MERTK: variants seen among roughly 807,000 people sequenced by gnomAD.
MERTK encodes the protein MER proto-oncogene, tyrosine kinase.
MERTK carries 69 observed loss-of-function variants against 99.3 expected under a neutral mutation model. That is an observed-to-expected ratio of 0.70 (90% CI 0.57 to 0.85). The LOEUF (loss-of-function observed/expected upper bound fraction) is 0.85. MERTK is among the 40% of genes least tolerant of loss of function. The pLI, the probability that MERTK is intolerant of heterozygous loss-of-function variation, is 0.00. For missense variants in MERTK, 1,125 were observed against 1,249.4 expected (o/e 0.90, Z 1.50); for synonymous variants, 426 against 467.6 (o/e 0.91, Z 1.15).
chr2:111,908,555 A>G (rs891180091), intron 1 of MERTK, among the ~76,000 whole-genome samples: 2 of 152,136 alleles, frequency 1.3e-5, no homozygotes, highest in African/African-American at 4.8e-5. Flanking sequence ...ATCATGATTG[A>G]CATGATTATG....
intron 2 of MERTK, among the ~76,000 whole-genome samples, chr2:111,937,886 A>G (rs1684791644): frequency 6.6e-6 from 1 of 151,840 alleles, no homozygotes; most frequent in East Asian, 1.9e-4. Context: ...TCTTAAAATT[A>G]TTTTTTTCAT....
At chr2:111,916,639 C>T (rs1684356535) in intron 1 of MERTK, among the ~76,000 whole-genome samples, 1 of 152,048 alleles carries the variant, frequency 6.6e-6, no homozygotes, top group African/African-American at 2.4e-5. Context: ...CAAGCATGTT[C>T]ATAATTGTTC....
At chr2:111,906,746 T>TA (rs779989251) in intron 1 of MERTK, among the ~76,000 whole-genome samples, 1 of 152,004 alleles carries the variant, frequency 6.6e-6, no homozygotes, top group Non-Finnish European at 1.5e-5. Flanking sequence ...TTGGAGCAAA[T>TA]AAAAAAAAGA....
At chr2:111,992,339 T>TGGAATA (rs1676637574) in intron 8 of MERTK, among the ~76,000 whole-genome samples, 1 of 151,796 alleles carries the variant, frequency 6.6e-6, no homozygotes, top group South Asian at 2.1e-4. Flanking sequence ...TTCCAGGTAG[T>TGGAATA]GGAATACGTG....
Position 112,003,144 on chromosome 2 carries a change from GA to G in MERTK, c.1744del (p.Ile582LeufsTer6). ...ELQNKLEDVV[I>X]DRNLLILGKI... is the part of the protein sequence containing the mutation. ...TACAAAATAAACTAGAAGATGTTGT[GA>G]TTGACAGGAATCTTCTAATTCTTGG... On this transcript the variant is annotated frameshift_variant, in exon 12 of 19. Transcript: ENST00000295408. LOFTEE classifies it high-confidence loss of function. 2.5e-6 allele frequency: 4 copies of G among 1,604,140 alleles called. No homozygotes were observed. The highest frequency in any genetic ancestry group is 3.4e-6 in the Non-Finnish European group (4 of 1,171,284).
chr2:111,947,278 GCCCCCCA>G, intron 3 of MERTK, 109 bp from the exon 4 acceptor site: 1 of 360,298 alleles, frequency 2.8e-6, no homozygotes, highest in African/African-American at 3.2e-5. Context: ...ATCCCCACCC[GCCCCCCA>G]CAAAAAAAGA....
In MERTK at chr2:111,962,230, G is replaced by A. The variant is rs537045986; in HGVS notation, c.758-2961G>A. ...ATTCTAAAAAATAACCATTCAGGTCGGGTGTGGTGGCTCACACCTGTAATC... is the reference window on the plus strand; with the variant it reads ...ATTCTAAAAAATAACCATTCAGGTCAGGTGTGGTGGCTCACACCTGTAATC... On this transcript the variant is annotated intron_variant, in intron 4 of 18. Coordinates refer to ENST00000295408, the MANE Select transcript of MERTK (RefSeq NM_006343.3). Among the ~76,000 whole-genome samples the A allele has an allele frequency of 3.9e-5, 6 of 152,256 alleles. No homozygotes were observed. In the East Asian group the frequency reaches 7.7e-4, roughly 20 times the overall value.
chr2:112,021,875 T>C (rs1322885200), intron 17 of MERTK, among the ~76,000 whole-genome samples: 1 of 152,198 alleles, frequency 6.6e-6, no homozygotes, highest in Non-Finnish European at 1.5e-5. Context: ...GGATATTTCA[T>C]AGTCACATTA....
At chr2:111,993,748 C>T (rs905784453) in intron 8 of MERTK, among the ~76,000 whole-genome samples, 3 of 151,776 alleles carry the variant, frequency 2.0e-5, no homozygotes, top group Non-Finnish European at 2.9e-5. Context: ...GTACATTTGT[C>T]ACACTGAAAG....
At chr2:111,958,729 T>A (rs1017448176) in intron 4 of MERTK, among the ~76,000 whole-genome samples, 1 of 152,154 alleles carries the variant, frequency 6.6e-6, no homozygotes. Context: ...CCTGAAGTCA[T>A]GTTCTGTGAT....
chr2:111,959,696 C>A (rs941982320), intron 4 of MERTK, among the ~76,000 whole-genome samples: 2 of 152,018 alleles, frequency 1.3e-5, no homozygotes, highest in African/African-American at 2.4e-5. Context: ...GGTGGGGCAA[C>A]TTCTGGACTT....
rs145718343 is a variant in MERTK, at chr2:111,931,579, G to A, written c.482+2039G>A. Among the ~76,000 whole-genome samples, 827 of 152,158 alleles carry A rather than the reference G, an allele frequency of 5.4e-3. 8 individuals are homozygous for A. The highest frequency in any genetic ancestry group is 0.019 in the African/African-American group (796 of 41,498). On this transcript the variant is annotated intron_variant, in intron 2 of 18. Transcript: ENST00000295408. ...CGCACGCCTATAGTCCCAGATACTC[G>A]GGAGACTGAGGCAGGAGAATTGCTT...
chr2:112,006,379 G>A (rs918010593), intron 13 of MERTK, among the ~76,000 whole-genome samples: 4 of 152,068 alleles, frequency 2.6e-5, no homozygotes, highest in Admixed American at 1.3e-4. Context: ...GGAGGTTCAG[G>A]AACTAGCCCC....
chr2:111,994,247 C>G lies in MERTK; in HGVS notation c.1297-4C>G. ...TCATTTCCTCTCTTCCTCTCTGTCT[C>G]CAGAAAGAGCTCTTGGAGGAAGTTG... is the stretch of plus-strand genomic sequence containing the variant. On this transcript the variant is annotated splice_polypyrimidine_tract_variant and splice_region_variant and intron_variant, in intron 8 of 18. Transcript: ENST00000295408. The G allele has an allele frequency of 6.2e-7, 1 of 1,613,740 alleles. No homozygotes were observed. Among genetic ancestry groups the G allele is most frequent in the Non-Finnish European group, 8.5e-7 (1 of 1,180,010 alleles).
chr2:111,928,216 CTTTTTTTTTTTT>C (rs34872417), intron 1 of MERTK, among the ~76,000 whole-genome samples: 2 of 84,848 alleles, frequency 2.4e-5, no homozygotes, highest in African/African-American at 4.9e-5. Flanking sequence ...CCATGAGCAG[CTTTTTTTTTTTT>C]TTTTTTTTTT....
chr2:111,964,396 TGTGCGCGCGC>T lies in MERTK; in HGVS notation c.758-793_758-784del, dbSNP rs1416969407. ...GTGTGTGTGTGTGTGTGTGTGTGTG[TGTGCGCGCGC>T]GCACGCGCATGTGTGTGTGTGTACG... On this transcript the variant is annotated intron_variant, in intron 4 of 18. Transcript: ENST00000295408. Among the ~76,000 whole-genome samples, 4 of 85,210 alleles carry T rather than the reference TGTGCGCGCGC, an allele frequency of 4.7e-5. No homozygotes were observed. In the East Asian group the frequency reaches 1.1e-3, roughly 23 times the overall value. 55.9% of individuals were successfully genotyped at this position (85,210 alleles called of 152,430 possible). A position where few individuals can be genotyped will look rare whatever the true frequency, so the allele number is the denominator to read the frequency against.
chr2:111,948,771 G>C (rs1459464214), intron 4 of MERTK, among the ~76,000 whole-genome samples: 1 of 152,018 alleles, frequency 6.6e-6, no homozygotes, highest in Non-Finnish European at 1.5e-5. Flanking sequence ...CTTCCTAACT[G>C]GGCCTTTTTG....
At chr2:111,904,562 G>A (rs1684103119) in intron 1 of MERTK, among the ~76,000 whole-genome samples, 1 of 152,054 alleles carries the variant, frequency 6.6e-6, no homozygotes, top group South Asian at 2.1e-4. Context: ...TTTAAGTAGA[G>A]ACGGGGTTTC....
intron 4 of MERTK, among the ~76,000 whole-genome samples, chr2:111,948,741 T>G (rs545165866): frequency 4.6e-5 from 7 of 152,320 alleles, no homozygotes; most frequent in Non-Finnish European, 7.4e-5. Context: ...TGCCAGCTCT[T>G]GCTGTCGCCT....
Sources: gnomAD v4.1 joint callset for allele counts (sites outside exome capture counted in the v4.1 genomes callset) on GRCh38, gnomAD v4.1.1 for gene constraint, MANE v1.5 for transcripts, NCBI Gene and HGNC (gene_info 2026-07-23, HGNC 2026-07-21) for gene names.